The following CNTN4 variants were observed in gnomAD, a reference collection of about 807,000 sequenced individuals.
CNTN4 encodes contactin-4.
Under a neutral mutation model 122.5 loss-of-function variants are expected in CNTN4, and 77 were observed. The observed-to-expected ratio is 0.63, with a 90% CI of 0.52 to 0.76. The LOEUF (loss-of-function observed/expected upper bound fraction) is 0.76. Among genes scored for constraint, CNTN4 ranks in the 30% least tolerant of loss-of-function variants. The probability of loss-of-function intolerance (pLI) is 0.00; values close to 1 mark genes in which losing one functional copy is unlikely to be tolerated. For synonymous variants in CNTN4, 512 were observed against 447.0 expected (o/e 1.15, Z -1.83); for missense variants, 1,256 against 1,259.1 (o/e 1.00, Z 0.04).
chr3:2,572,340 C>T (rs1376452282), intron 4 of CNTN4, among the ~76,000 whole-genome samples: 2 of 152,126 alleles, frequency 1.3e-5, no homozygotes, highest in African/African-American at 2.4e-5. Flanking sequence ...GAGCCGAGAT[C>T]GCGCCATTGC....
At chr3:2,252,593 T>C (rs2040420852) in intron 2 of CNTN4, among the ~76,000 whole-genome samples, 1 of 152,118 alleles carries the variant, frequency 6.6e-6, no homozygotes, top group African/African-American at 2.4e-5. Flanking sequence ...TCTTTGATTT[T>C]GCAGGTTAGT....
At chr3:2,360,831 G>A (rs1197592639) in intron 3 of CNTN4, among the ~76,000 whole-genome samples, 1 of 152,132 alleles carries the variant, frequency 6.6e-6, no homozygotes, top group African/African-American at 2.4e-5. Context: ...GGGGATTATG[G>A]GGATTACAAT....
chr3:2,290,915 C>T (rs575155982), intron 2 of CNTN4, among the ~76,000 whole-genome samples: 2 of 151,960 alleles, frequency 1.3e-5, no homozygotes, highest in Non-Finnish European at 2.9e-5. Flanking sequence ...AAAGAAAAAT[C>T]GACACTATAG....
At chr3:2,520,733 A>G (rs200470151) in intron 3 of CNTN4, among the ~76,000 whole-genome samples, 3 of 97,020 alleles carry the variant, frequency 3.1e-5, no homozygotes, top group South Asian at 2.9e-4. Context: ...TAGACATTTT[A>G]GACATTCTAT....
At chr3:2,917,286 G>A (rs1243857847) in intron 12 of CNTN4, among the ~76,000 whole-genome samples, 1 of 150,546 alleles carries the variant, frequency 6.6e-6, no homozygotes, top group Non-Finnish European at 1.5e-5. Flanking sequence ...GGAGACCGTG[G>A]AAAGCGGGAG....
chr3:2,206,896 A>G lies in CNTN4; in HGVS notation c.-145+106257A>G, dbSNP rs936719587. On this transcript the variant is annotated intron_variant, in intron 2 of 24. Transcript: ENST00000418658. ...ATACTGCTTTTTTTTTTTTTTTTAAAGAATTTTAAGGTTTGTGGCAACTCT... is the reference window on the plus strand; with the variant it reads ...ATACTGCTTTTTTTTTTTTTTTTAAGGAATTTTAAGGTTTGTGGCAACTCT... Among the ~76,000 whole-genome samples, 6 of 146,876 alleles carry G rather than the reference A, an allele frequency of 4.1e-5. No individual in the cohort carries two copies. The Admixed American group carries it at 4.1e-4, about 10-fold the overall frequency.
intron 2 of CNTN4, among the ~76,000 whole-genome samples, chr3:2,178,063 C>G (rs1184940595): frequency 6.6e-6 from 1 of 152,012 alleles, no homozygotes; most frequent in Non-Finnish European, 1.5e-5. Flanking sequence ...TCACTTCATC[C>G]TGGAATGGTA....
At chr3:2,524,816 T>C (rs1448527580) in intron 3 of CNTN4, among the ~76,000 whole-genome samples, 3 of 152,036 alleles carry the variant, frequency 2.0e-5, no homozygotes, top group African/African-American at 7.2e-5. Flanking sequence ...CCATGATAAA[T>C]GCAACTTGAA....
chr3:2,178,195 A>C (rs1292798839), intron 2 of CNTN4, among the ~76,000 whole-genome samples: 1 of 152,088 alleles, frequency 6.6e-6, no homozygotes, highest in Non-Finnish European at 1.5e-5. Context: ...GAGCTTCTCA[A>C]GGGCCAGAGC....
intron 6 of CNTN4, among the ~76,000 whole-genome samples, chr3:2,785,459 C>T (rs2091774728): frequency 6.6e-6 from 1 of 152,176 alleles, no homozygotes; most frequent in Non-Finnish European, 1.5e-5. Flanking sequence ...GGGCAGTCTA[C>T]CTTGCTGAGT....
intron 3 of CNTN4, among the ~76,000 whole-genome samples, chr3:2,466,045 TCAATCTATTACATGCACTTCACTG>T (rs1197585754): frequency 2.0e-5 from 3 of 152,186 alleles, no homozygotes; most frequent in African/African-American, 7.2e-5. Context: ...ACCAGGGAAT[TCAATCTATTACATGCACTTCACTG>T]CACTAAACCA....
chr3:2,939,734 A>T (rs1169088417), intron 13 of CNTN4, among the ~76,000 whole-genome samples: 1 of 152,206 alleles, frequency 6.6e-6, no homozygotes, highest in Non-Finnish European at 1.5e-5. Context: ...CCTATTTGTA[A>T]TCTCTGGAAG....
At chr3:3,019,797 T>TATATAC (rs1347478429) in intron 14 of CNTN4, among the ~76,000 whole-genome samples, 10 of 126,322 alleles carry the variant, frequency 7.9e-5, no homozygotes, top group East Asian at 6.8e-4. Context: ...TATATATATA[T>TATATAC]ACACATGCAT....
chr3:2,835,273 A>G (rs890292060), intron 7 of CNTN4, among the ~76,000 whole-genome samples: 2 of 152,134 alleles, frequency 1.3e-5, no homozygotes, highest in Non-Finnish European at 2.9e-5. Context: ...ATTATTTTAA[A>G]CACCATGAAA....
At chr3:2,639,045 C>T (rs1194864274) in intron 4 of CNTN4, among the ~76,000 whole-genome samples, 1 of 152,186 alleles carries the variant, frequency 6.6e-6, no homozygotes, top group Non-Finnish European at 1.5e-5. Flanking sequence ...TGCTTTTCCC[C>T]TTTCCTCCTA....
chr3:2,404,700 A>G (rs971735296), intron 3 of CNTN4, among the ~76,000 whole-genome samples: 5 of 152,230 alleles, frequency 3.3e-5, no homozygotes, highest in African/African-American at 1.2e-4. Flanking sequence ...GTCCCTTCAC[A>G]GTAATACTTA....
At chr3:2,512,037 C>A (rs921156642) in intron 3 of CNTN4, among the ~76,000 whole-genome samples, 12 of 152,046 alleles carry the variant, frequency 7.9e-5, no homozygotes, top group African/African-American at 2.7e-4. Context: ...GTAAGTAAAA[C>A]TAATATATAT....
At chr3:2,626,836 G>T (rs551732599) in intron 4 of CNTN4, among the ~76,000 whole-genome samples, 39 of 152,080 alleles carry the variant, frequency 2.6e-4, no homozygotes, top group Admixed American at 2.0e-3. Flanking sequence ...AAATTGTTAC[G>T]AGGAGGAAGC....
chr3:2,681,672 G>A (rs1444596786), intron 4 of CNTN4, among the ~76,000 whole-genome samples: 1 of 151,950 alleles, frequency 6.6e-6, no homozygotes, highest in African/African-American at 2.4e-5. Flanking sequence ...ATATATTTGT[G>A]TGTGTGTTTG....
Sources: allele counts gnomAD v4.1 joint callset (sites outside exome capture counted in the v4.1 genomes callset), GRCh38; gene constraint gnomAD v4.1.1; transcripts MANE v1.5; gene names NCBI Gene and HGNC (gene_info 2026-07-23, HGNC 2026-07-21).